Variants in MICU3 observed in about 807,000 individuals in gnomAD.
The protein encoded by MICU3 is mitochondrial calcium uptake 3, also known as calcium uptake protein 3, mitochondrial.
In MICU3, 62 loss-of-function variants were observed where a neutral mutation model predicts 66.5. That is an observed-to-expected ratio of 0.93 (90% CI 0.76 to 1.15). The LOEUF is 1.15. Ranked by LOEUF, MICU3 falls within the 50% of genes most tolerant of loss-of-function variation. The pLI, the probability that MICU3 is intolerant of heterozygous loss-of-function variation, is 0.00. For missense variants in MICU3, 779 were observed against 664.4 expected (o/e 1.17, Z -1.90); for synonymous variants, 308 against 240.7 (o/e 1.28, Z -2.59).
chr8:17,034,046 C>G (rs1252526144), intron 1 of MICU3, among the ~76,000 whole-genome samples: 1 of 152,202 alleles, frequency 6.6e-6, no homozygotes, highest in Non-Finnish European at 1.5e-5. Flanking sequence ...TTCAAAACTT[C>G]AAAGGATAGG....
the MICU3 span, chr8:17,132,917 T>G: frequency 6.6e-6 from 1 of 152,174 alleles, no homozygotes; most frequent in South Asian, 2.1e-4. Flanking sequence ...CCCTCATAAA[T>G]GAGATTAGTG....
chr8:17,043,056 C>T (rs1394945833), intron 1 of MICU3, among the ~76,000 whole-genome samples: 1 of 149,850 alleles, frequency 6.7e-6, no homozygotes, highest in Non-Finnish European at 1.5e-5. Context: ...TCTCCTGCCT[C>T]AGCCTCCCGA....
At chr8:17,084,415 T>C (rs546144383) in intron 5 of MICU3, among the ~76,000 whole-genome samples, 2 of 152,206 alleles carry the variant, frequency 1.3e-5, no homozygotes, top group South Asian at 4.2e-4. Context: ...TGTGCCTCTT[T>C]TGCAGGTTCA....
chr8:17,051,442 T>C (rs1816061962), intron 1 of MICU3, among the ~76,000 whole-genome samples: 1 of 152,170 alleles, frequency 6.6e-6, no homozygotes, highest in South Asian at 2.1e-4. Context: ...AATTTTGTAT[T>C]TCTCAGCATA....
chr8:17,113,756 G>A (rs1802421065), intron 11 of MICU3, among the ~76,000 whole-genome samples: 1 of 149,608 alleles, frequency 6.7e-6, no homozygotes, highest in African/African-American at 2.5e-5. Flanking sequence ...TACCTTACAA[G>A]GTTAAAAAAA....
At chr8:17,130,600 A>G in the MICU3 span, among the ~76,000 whole-genome samples, 3 of 152,336 alleles carry the variant, frequency 2.0e-5, no homozygotes, top group South Asian at 6.2e-4. Context: ...TTATTTGGTA[A>G]TATCGCAAAG....
chr8:17,041,529 C>G (rs1814092907), intron 1 of MICU3, among the ~76,000 whole-genome samples: 1 of 150,806 alleles, frequency 6.6e-6, no homozygotes, highest in Non-Finnish European at 1.5e-5. Context: ...TAAGTGTTGA[C>G]AGCCATATCA....
intron 8 of MICU3, among the ~76,000 whole-genome samples, chr8:17,093,264 C>T (rs968041759): frequency 5.9e-5 from 9 of 151,948 alleles, no homozygotes; most frequent in Admixed American, 3.9e-4. Flanking sequence ...AAGCCAAGTA[C>T]ATTTGACTTT....
At chr8:17,034,465 G>T (rs573437675) in intron 1 of MICU3, among the ~76,000 whole-genome samples, 1 of 152,326 alleles carries the variant, frequency 6.6e-6, no homozygotes, top group South Asian at 2.1e-4. Flanking sequence ...TAAGGCTATA[G>T]CTGCCATAGA....
chr8:17,100,187 C>T (rs1482094129), intron 9 of MICU3, among the ~76,000 whole-genome samples: 2 of 151,638 alleles, frequency 1.3e-5, no homozygotes, highest in East Asian at 1.9e-4. Flanking sequence ...ACCACAGAAA[C>T]TGGCCAACAT....
At chr8:17,095,743 CTCTT>C (rs1800609841) in intron 8 of MICU3, among the ~76,000 whole-genome samples, 1 of 151,642 alleles carries the variant, frequency 6.6e-6, no homozygotes, top group African/African-American at 2.4e-5. Flanking sequence ...TCCTCCTTCC[CTCTT>C]TATTTCCTTC....
chr8:17,109,599 A>G (rs1020720443), intron 11 of MICU3, among the ~76,000 whole-genome samples: 1 of 152,192 alleles, frequency 6.6e-6, no homozygotes, highest in Non-Finnish European at 1.5e-5. Context: ...TAAAAAGCTT[A>G]TGCTAACTCT....
the MICU3 span, among the ~76,000 whole-genome samples, chr8:17,138,405 G>A: frequency 0.011 from 1,679 of 152,232 alleles, 32 homozygotes; most frequent in African/African-American, 0.038. Context: ...ATGGCAGGGT[G>A]GTGGACCACG....
intron 7 of MICU3, among the ~76,000 whole-genome samples, chr8:17,088,310 T>C (rs1312341054): frequency 6.6e-6 from 1 of 151,974 alleles, no homozygotes; most frequent in Non-Finnish European, 1.5e-5. Context: ...GTAGTAGTTC[T>C]CTACTTAATT....
At chr8:17,077,251 T>A (rs4109733) in intron 3 of MICU3, among the ~76,000 whole-genome samples, 23,107 of 152,174 alleles carry the variant, frequency 0.15, 2,326 homozygotes, top group East Asian at 0.38. Flanking sequence ...GCTTCATCCA[T>A]TGTTATCATT....
At chr8:17,103,083 T>G (rs1801410261) in intron 9 of MICU3, among the ~76,000 whole-genome samples, 1 of 151,944 alleles carries the variant, frequency 6.6e-6, no homozygotes, top group Non-Finnish European at 1.5e-5. Flanking sequence ...ATTAGTCACT[T>G]TAGAAACAGA....
chr8:17,071,928 T>C (rs1819642599), intron 3 of MICU3, among the ~76,000 whole-genome samples: 1 of 152,182 alleles, frequency 6.6e-6, no homozygotes, highest in Admixed American at 6.5e-5. Flanking sequence ...TGTATCATGT[T>C]CATACTGGTA....
At chr8:17,119,571 A>G (rs1803030765) in intron 14 of MICU3, among the ~76,000 whole-genome samples, 1 of 151,424 alleles carries the variant, frequency 6.6e-6, no homozygotes, top group East Asian at 1.9e-4. Flanking sequence ...ATAGATAGAT[A>G]GATAGAGGTG....
chr8:17,103,774 C>T (rs73666276), intron 9 of MICU3, among the ~76,000 whole-genome samples: 6 of 151,768 alleles, frequency 4.0e-5, no homozygotes, highest in African/African-American at 7.3e-5. Flanking sequence ...ATCCATTTGA[C>T]GTGTTACGTA....
Sources: gnomAD v4.1 joint callset for allele counts (sites outside exome capture counted in the v4.1 genomes callset) on GRCh38, gnomAD v4.1.1 for gene constraint, MANE v1.5 for transcripts, NCBI Gene and HGNC (gene_info 2026-07-23, HGNC 2026-07-21) for gene names.